The following TEAD4 variants were observed in gnomAD, a reference collection of about 807,000 sequenced individuals.
TEAD4 encodes the protein TEA domain transcription factor 4.
Under a neutral mutation model 52.4 loss-of-function variants are expected in TEAD4, and 36 were observed. The ratio of observed to expected loss-of-function variants is 0.69; its 90% CI spans 0.53 to 0.91. The LOEUF (loss-of-function observed/expected upper bound fraction) is 0.91. Ranked by LOEUF, TEAD4 falls within the 40% of genes least tolerant of loss-of-function variation. TEAD4 has a pLI of 0.00. For synonymous variants in TEAD4, 220 were observed against 231.0 expected (o/e 0.95, Z 0.43); for missense variants, 508 against 583.9 (o/e 0.87, Z 1.34).
intron 2 of TEAD4, among the ~76,000 whole-genome samples, chr12:2,969,830 G>A (rs1394210605): frequency 6.6e-6 from 1 of 152,190 alleles, no homozygotes; most frequent in African/African-American, 2.4e-5. Flanking sequence ...GGAGGGTGGG[G>A]AAGATGACCC....
chr12:3,037,260 C>T (rs1190720510), intron 10 of TEAD4, among the ~76,000 whole-genome samples: 1 of 152,200 alleles, frequency 6.6e-6, no homozygotes, highest in African/African-American at 2.4e-5. Flanking sequence ...AGTGACTTGA[C>T]TTCTGAAGAG....
intron 10 of TEAD4, among the ~76,000 whole-genome samples, chr12:3,036,965 C>A (rs1327024052): frequency 6.6e-6 from 1 of 152,142 alleles, no homozygotes. Flanking sequence ...GCAAGGCTAA[C>A]AGTCAGGACC....
chr12:3,004,256 CGGG>C (rs377742745), intron 3 of TEAD4, among the ~76,000 whole-genome samples: 1 of 152,168 alleles, frequency 6.6e-6, no homozygotes, highest in African/African-American at 2.4e-5. Context: ...TCAGCCCTGT[CGGG>C]GGAGCATATC....
intron 2 of TEAD4, among the ~76,000 whole-genome samples, chr12:2,967,872 A>G (rs2098221691): frequency 6.6e-6 from 1 of 152,174 alleles, no homozygotes; most frequent in Non-Finnish European, 1.5e-5. Context: ...AAACTGCCCC[A>G]TTAAACCATA....
At position 3,004,503 on chromosome 12, in the gene TEAD4, C is replaced by T. The variant is rs150054733; in HGVS notation, c.227-6501C>T. Among the ~76,000 whole-genome samples, 65 of 152,250 alleles carry T rather than the reference C, an allele frequency of 4.3e-4. No homozygotes were observed. In the East Asian group the frequency reaches 0.012, roughly 29 times the overall value. On this transcript the variant is annotated intron_variant, in intron 3 of 12. Coordinates refer to ENST00000359864, the MANE Select transcript of TEAD4 (RefSeq NM_003213.4). ...AATTCCCTGTTCATTCGGAGTGGTA[C>T]CATGCAGTAGCCACAGATGGGCACT...
chr12:3,004,324 A>G, intron 3 of TEAD4, among the ~76,000 whole-genome samples: 1 of 152,210 alleles, frequency 6.6e-6, no homozygotes, highest in Non-Finnish European at 1.5e-5. Flanking sequence ...CAGCCTTGGA[A>G]AACATACCTT....
At chr12:2,993,752 A>T (rs2098245001) in intron 2 of TEAD4, among the ~76,000 whole-genome samples, 2 of 152,198 alleles carry the variant, frequency 1.3e-5, no homozygotes. Flanking sequence ...TGCTGGGAGT[A>T]TAGGCATGAG....
chr12:2,987,898 CTA>C (rs1348672603), intron 2 of TEAD4, among the ~76,000 whole-genome samples: 1 of 151,234 alleles, frequency 6.6e-6, no homozygotes, highest in Non-Finnish European at 1.5e-5. Context: ...AACCCTGTCT[CTA>C]CTAAAAATAT....
chr12:3,029,738 G>A (rs1161003974), intron 10 of TEAD4, among the ~76,000 whole-genome samples: 1 of 152,080 alleles, frequency 6.6e-6, no homozygotes, highest in Non-Finnish European at 1.5e-5. Flanking sequence ...TGTTGATGAT[G>A]TCCAGTTTAT....
At chr12:3,018,426 C>T in intron 6 of TEAD4, 119 bp from the exon 7 acceptor site, 1 of 1,187,960 alleles carries the variant, frequency 8.4e-7, no homozygotes, top group Non-Finnish European at 1.2e-6. Flanking sequence ...CTAGGCGAGG[C>T]CTCGGGCTCC....
At chr12:3,020,115 G>C (rs1363109549) in intron 8 of TEAD4, among the ~76,000 whole-genome samples, 1 of 152,184 alleles carries the variant, frequency 6.6e-6, no homozygotes, top group East Asian at 1.9e-4. Context: ...ACTACAGTAG[G>C]ACTGGAGTAG....
At chr12:3,011,666 T>A (rs186801556) in intron 4 of TEAD4, among the ~76,000 whole-genome samples, 34 of 152,206 alleles carry the variant, frequency 2.2e-4, no homozygotes, top group African/African-American at 7.7e-4. Flanking sequence ...GGCACTACTT[T>A]TCTTTTTTGT....
rs34430154 is a variant in TEAD4, at chr12:2,968,083, CTTTTTTTTT to C, written c.-30+8055_-30+8063del. Reference sequence around the variant, plus strand: ...GTGATCTGATCTCAAACATGTGGGTCTTTTTTTTTTTTTTTTTTTTGAGACGGAGTTTCG... The same window carrying C: ...GTGATCTGATCTCAAACATGTGGGTCTTTTTTTTTTTGAGACGGAGTTTCG... On this transcript the variant is annotated intron_variant, in intron 2 of 12. Transcript: ENST00000359864. Among the ~76,000 whole-genome samples, 7 of 112,016 alleles carry C rather than the reference CTTTTTTTTT, an allele frequency of 6.2e-5. No homozygotes were observed. In the South Asian group the frequency reaches 1.0e-3, roughly 17 times the overall value. The allele number at this position is 112,016 out of a possible 152,430, so 73.5% of individuals were successfully genotyped here.
chr12:2,986,363 T>C (rs6489417), intron 2 of TEAD4, among the ~76,000 whole-genome samples: 145,276 of 152,090 alleles, frequency 0.96, 69,744 homozygotes, highest in East Asian at 1. Flanking sequence ...AAAGGCTGGG[T>C]GCGGTGGCTC....
At chr12:2,997,473 C>A (rs564620008) in intron 3 of TEAD4, among the ~76,000 whole-genome samples, 1 of 152,148 alleles carries the variant, frequency 6.6e-6, no homozygotes, top group African/African-American at 2.4e-5. Context: ...TGGGACCCCC[C>A]GGGCTCTGCT....
At chr12:3,027,456 G>A (rs777771874) in intron 10 of TEAD4, among the ~76,000 whole-genome samples, 1 of 152,124 alleles carries the variant, frequency 6.6e-6, no homozygotes, top group African/African-American at 2.4e-5. Context: ...TACAGGCCAC[G>A]CACAGTGGCT....
In TEAD4 at chr12:3,031,583, T is replaced by G. The variant is rs184090123; in HGVS notation, c.898-6385T>G. Among the ~76,000 whole-genome samples, 9 of 152,212 alleles carry G rather than the reference T, an allele frequency of 5.9e-5. No homozygotes were observed. In the East Asian group the frequency reaches 1.7e-3, roughly 29 times the overall value. ...CTGGCCCTGAGTCCCCCAGCCAGGG[T>G]GACCTCTGTCCTGTGGGCACTCCTG... On this transcript the variant is annotated intron_variant, in intron 10 of 12. Transcript: ENST00000359864.
intron 3 of TEAD4, among the ~76,000 whole-genome samples, chr12:3,003,385 G>A (rs973344006): frequency 6.6e-6 from 1 of 152,158 alleles, no homozygotes; most frequent in Non-Finnish European, 1.5e-5. Flanking sequence ...TATGGTCTAG[G>A]GGGTGGGCTG....
At chr12:2,982,641 T>C (rs111235200) in intron 2 of TEAD4, among the ~76,000 whole-genome samples, 5 of 152,274 alleles carry the variant, frequency 3.3e-5, no homozygotes, top group African/African-American at 1.2e-4. Flanking sequence ...CGCGGGCAGA[T>C]AGGAGAAGCT....
Sources: gnomAD v4.1 joint callset for allele counts (sites outside exome capture counted in the v4.1 genomes callset) on GRCh38, gnomAD v4.1.1 for gene constraint, MANE v1.5 for transcripts, NCBI Gene and HGNC (gene_info 2026-07-23, HGNC 2026-07-21) for gene names.